GSDMA: variants seen among roughly 807,000 people sequenced by gnomAD.
The protein encoded by GSDMA is gasdermin-A.
In GSDMA, 55 loss-of-function variants were observed where a neutral mutation model predicts 54.3. The ratio of observed to expected loss-of-function variants is 1.01; its 90% CI spans 0.82 to 1.27. The LOEUF is 1.27. Ranked by LOEUF, GSDMA falls within the 50% of genes most tolerant of loss-of-function variation. GSDMA has a pLI of 0.00. For synonymous variants in GSDMA, 211 were observed against 224.7 expected, an observed-to-expected ratio of 0.94 and a Z score of 0.54; for missense variants, 542 against 542.6, an observed-to-expected ratio of 1.00 and a Z score of 0.01.
Position 39,966,406 on chromosome 17 carries a change from G to C in GSDMA, c.361G>C (p.Ala121Pro). ...TCTGGAGGTCCAGACACTCAGTGTG[G>C]CTCCCAAGGCCCTGGAGACCGTGCA... ...STLEVQTLSVAPKALETVQER... is the reference protein window; with the variant it reads ...STLEVQTLSVPPKALETVQER... The change falls in exon 3 of 12, where the codon GCT becomes CCT. Residue 121 changes from alanine (A) to proline (P), a missense_variant. Ala to Pro is a conservative substitution (Grantham distance 27). Transcript: ENST00000301659. 6.2e-7 allele frequency: 1 copy of C among 1,611,864 alleles called. No individual in the cohort carries two copies. Among genetic ancestry groups the C allele is most frequent in the Non-Finnish European group, 8.5e-7 (1 of 1,179,336 alleles).
At position 39,966,427 on chromosome 17, in the gene GSDMA, G is replaced by T. The variant is rs7212938; in HGVS notation, c.382G>T (p.Val128Leu). 0.52 allele frequency: 839,885 copies of T among 1,601,404 alleles called. 225,281 individuals carry two copies. The highest frequency in any genetic ancestry group is 0.82 in the African/African-American group (61,058 of 74,182). ...TGTGGCTCCCAAGGCCCTGGAGACC[G>T]TGCAGGAGAGGTGAGAGTGGGCGGG... ...LSVAPKALETVQERKLAADHP... is the reference protein window; with the variant it reads ...LSVAPKALETLQERKLAADHP... The change falls in exon 3 of 12, where the codon GTG (valine) becomes TTG (leucine). Residue 128 changes from valine (V) to leucine (L), a missense_variant. Coordinates refer to ENST00000301659, the MANE Select transcript of GSDMA (RefSeq NM_178171.5).
chr17:39,965,953 G>A, intron 2 of GSDMA, 52 bp downstream of exon 2: 1 of 1,492,792 alleles, frequency 6.7e-7, no homozygotes, highest in Non-Finnish European at 9.1e-7. Flanking sequence ...ACAGGGGCTG[G>A]GCACCTGGCC....
chr17:39,975,006 C>A lies in GSDMA; in HGVS notation c.1013C>A (p.Ala338Asp). Residue 338 changes from alanine to aspartate, a missense_variant, in exon 10 of 12, where the codon GCC becomes GAC. By Grantham distance (126) the Ala-to-Asp change is moderately radical. Coordinates refer to ENST00000301659, the MANE Select transcript of GSDMA (RefSeq NM_178171.5). ...AVGAILYFVG[A>D]LTELSEAQQK... is the part of the protein sequence containing the mutation. Reference sequence around the variant, plus strand: ...GGCGCCATCCTCTATTTCGTTGGAGCCCTAACAGGTAAGTGGGGAATAAGG... The same window carrying A: ...GGCGCCATCCTCTATTTCGTTGGAGACCTAACAGGTAAGTGGGGAATAAGG... 6.2e-7 allele frequency: 1 copy of A among 1,601,014 alleles called. No homozygotes were observed. Among genetic ancestry groups the A allele is most frequent in the Non-Finnish European group, 8.6e-7 (1 of 1,169,058 alleles).
chr17:39,972,348 C>A (rs72832993), intron 6 of GSDMA, among the ~76,000 whole-genome samples, 172 bp downstream of exon 6: 7,365 of 152,160 alleles, frequency 0.048, 253 homozygotes, highest in Non-Finnish European at 0.079. Flanking sequence ...CAGATAGAGG[C>A]ATATAAATAC....
At chr17:39,974,190 G>A in intron 8 of GSDMA, 83 bp from the exon 9 acceptor site, 2 of 1,397,684 alleles carry the variant, frequency 1.4e-6, no homozygotes, top group East Asian at 4.9e-5. Flanking sequence ...AGGGGGCTGA[G>A]TGTAGGAGCC....
chr17:39,965,568 C>A, intron 1 of GSDMA, 115 bp from the exon 2 acceptor site: 2 of 702,868 alleles, frequency 2.8e-6, no homozygotes, highest in South Asian at 1.7e-5. Flanking sequence ...TCTCTAAGAG[C>A]TCCTCCTGCC....
rs111271136 is a variant in GSDMA, at chr17:39,975,913, T to C, written c.1022-11T>C. The C allele has an allele frequency of 3.5e-3, 5,511 of 1,585,906 alleles. 9 individuals carry two copies. Among genetic ancestry groups the C allele is most frequent in the Non-Finnish European group, 4.5e-3 (5,228 of 1,165,228 alleles). ...CAGCAACACACATCTTTCTCTGCTTTTTTTCTCCAGAGCTAAGTGAAGCCC... is the reference window on the plus strand; with the variant it reads ...CAGCAACACACATCTTTCTCTGCTTCTTTTCTCCAGAGCTAAGTGAAGCCC... On this transcript the variant is annotated splice_polypyrimidine_tract_variant and intron_variant, in intron 10 of 11. Coordinates refer to ENST00000301659, the MANE Select transcript of GSDMA (RefSeq NM_178171.5).
intron 3 of GSDMA, among the ~76,000 whole-genome samples, chr17:39,967,583 TC>T (rs1658613859): frequency 6.6e-6 from 1 of 152,174 alleles, no homozygotes; most frequent in African/African-American, 2.4e-5. Context: ...TTCTGATGTG[TC>T]CCATGACTAA....
Position 39,974,429 on chromosome 17 carries a change from T to C in GSDMA, c.906+2T>C. The C allele has an allele frequency of 1.3e-6, 2 of 1,572,720 alleles. No individual in the cohort carries two copies. Among genetic ancestry groups the C allele is most frequent in the Non-Finnish European group, 1.7e-6 (2 of 1,159,428 alleles). On this transcript the variant is annotated splice_donor_variant, in intron 9 of 11. Transcript: ENST00000301659. LOFTEE classifies it high-confidence loss of function. Reference sequence around the variant, plus strand: ...GAGCTACAAGACCTTGAGCTCGCAGTGAGGACCTAGTGGAAGTGGGGAAGG... The same window carrying C: ...GAGCTACAAGACCTTGAGCTCGCAGCGAGGACCTAGTGGAAGTGGGGAAGG...
intron 2 of GSDMA, among the ~76,000 whole-genome samples, 168 bp downstream of exon 2, chr17:39,966,069 T>C (rs1410155984): frequency 6.6e-6 from 1 of 152,154 alleles, no homozygotes; most frequent in African/African-American, 2.4e-5. Context: ...GGGATACCTC[T>C]CAGCTCAGCC....
At chr17:39,967,177 T>A (rs1979707950) in intron 3 of GSDMA, among the ~76,000 whole-genome samples, 1 of 152,138 alleles carries the variant, frequency 6.6e-6, no homozygotes, top group Non-Finnish European at 1.5e-5. Flanking sequence ...AACCTTGCAG[T>A]CTAGGAAGGT....
rs529248475 is a variant in GSDMA at position 39,970,367 on chromosome 17, A to C, written c.393-115A>C. 3.4e-5 allele frequency: 34 copies of C among 1,013,886 alleles called. No homozygotes were observed. In the Admixed American group the frequency reaches 1.1e-3, roughly 33 times the overall value. The allele number at this position is 1,013,886 out of a possible 1,614,324, so 62.8% of individuals were successfully genotyped here. ...ACCTCAGCCCTAGTCCAGAGTCCTC[A>C]CTCCTTCCCTGCCACCACAATGTCT... On this transcript the variant is annotated intron_variant, in intron 3 of 11. Coordinates refer to ENST00000301659, the MANE Select transcript of GSDMA (RefSeq NM_178171.5).
intron 3 of GSDMA, among the ~76,000 whole-genome samples, chr17:39,968,271 C>G (rs1015151557): frequency 1.3e-5 from 2 of 149,774 alleles, no homozygotes; most frequent in Non-Finnish European, 3.0e-5. Flanking sequence ...TACTCCTGAC[C>G]TGAGGTGATC....
chr17:39,971,238 G>T (rs551777212), intron 4 of GSDMA, among the ~76,000 whole-genome samples: 2 of 152,300 alleles, frequency 1.3e-5, no homozygotes, highest in East Asian at 3.9e-4. Context: ...AGGAGATGGA[G>T]CAGGTCTGCC....
chr17:39,968,433 C>T (rs1048368692), intron 3 of GSDMA, among the ~76,000 whole-genome samples: 21 of 146,496 alleles, frequency 1.4e-4, no homozygotes, highest in African/African-American at 3.3e-4. Flanking sequence ...CTGCAACCTC[C>T]GCTTCCCAGG....
chr17:39,969,233 C>T (rs562267450), intron 3 of GSDMA, among the ~76,000 whole-genome samples: 96 of 151,502 alleles, frequency 6.3e-4, no homozygotes, highest in Non-Finnish European at 1.2e-3. Context: ...GCCTAGAGTC[C>T]CAGCTACTCA....
At position 39,977,102 on chromosome 17, in the gene GSDMA, A is replaced by G. The variant is rs1303825107; in HGVS notation, c.*44A>G. On this transcript the variant is annotated 3_prime_UTR_variant, in exon 12 of 12. Coordinates refer to ENST00000301659, the MANE Select transcript of GSDMA (RefSeq NM_178171.5). ...TTCATGACTCCCTAATGCCTTCCCA[A>G]CCTCGTGGTGCTGTGTCCTTACCAC... 6.2e-7 allele frequency: 1 copy of G among 1,605,718 alleles called. No individual in the cohort carries two copies. The highest frequency in any genetic ancestry group is 1.1e-5 in the South Asian group (1 of 90,262).
rs977064718 is a variant in GSDMA, at chr17:39,976,758, T to C, written c.1096-58T>C. 5 of 1,599,818 alleles carry C rather than the reference T, an allele frequency of 3.1e-6. No individual in the cohort carries two copies. The African/African-American group carries it at 6.7e-5, about 22-fold the overall frequency. On this transcript the variant is annotated intron_variant, in intron 11 of 11. Coordinates refer to ENST00000301659, the MANE Select transcript of GSDMA (RefSeq NM_178171.5). Reference sequence around the variant, plus strand: ...GTAACCTTCTTGTGATTTTTGTGAGTTAGGAGAGGAGAGAGGTTTCCAGTT... The same window carrying C: ...GTAACCTTCTTGTGATTTTTGTGAGCTAGGAGAGGAGAGAGGTTTCCAGTT...
At chr17:39,976,197 T>C (rs1322976214) in intron 11 of GSDMA, among the ~76,000 whole-genome samples, 200 bp downstream of exon 11, 1 of 152,200 alleles carries the variant, frequency 6.6e-6, no homozygotes, top group Non-Finnish European at 1.5e-5. Context: ...TGGGCAATAA[T>C]CTGGGTTTAT....
Sources: gnomAD v4.1 joint callset for allele counts (sites outside exome capture counted in the v4.1 genomes callset) on GRCh38, gnomAD v4.1.1 for gene constraint, MANE v1.5 for transcripts, NCBI Gene and HGNC (gene_info 2026-07-23, HGNC 2026-07-21) for gene names.